The following LRP1B variants were observed in gnomAD, a reference collection of about 807,000 sequenced individuals.
LRP1B encodes the protein low-density lipoprotein receptor-related protein 1B.
In LRP1B, 217 loss-of-function variants were observed where a neutral mutation model predicts 556.6. The observed-to-expected ratio is 0.39, with a 90% CI of 0.35 to 0.44. The LOEUF is 0.44. Ranked by LOEUF, LRP1B falls within the 20% of genes least tolerant of loss-of-function variation. LRP1B has a pLI of 1.00. For synonymous variants in LRP1B, 2,047 were observed against 1,865.8 expected, an observed-to-expected ratio of 1.10 and a Z score of -2.50; for missense variants, 5,053 against 5,620.8, an observed-to-expected ratio of 0.90 and a Z score of 3.23.
At chr2:141,608,791 A>T (rs554645704) in intron 2 of LRP1B, among the ~76,000 whole-genome samples, 3 of 152,338 alleles carry the variant, frequency 2.0e-5, no homozygotes, top group Admixed American at 2.0e-4. Flanking sequence ...TAGTCAGTTG[A>T]TTCTCACAAA....
intron 1 of LRP1B, among the ~76,000 whole-genome samples, chr2:142,125,068 C>A (rs2105018426): frequency 6.6e-6 from 1 of 151,770 alleles, no homozygotes; most frequent in South Asian, 2.1e-4. Flanking sequence ...GAGACTGACT[C>A]TACATTTTAA....
chr2:140,541,348 C>T (rs908739869), intron 44 of LRP1B, among the ~76,000 whole-genome samples: 6 of 152,092 alleles, frequency 3.9e-5, no homozygotes, highest in Non-Finnish European at 5.9e-5. Context: ...CTAGAAACCA[C>T]ATTGATGCTT....
intron 66 of LRP1B, among the ~76,000 whole-genome samples, chr2:140,423,088 G>GA (rs2105268966): frequency 6.6e-6 from 1 of 152,252 alleles, no homozygotes; most frequent in African/African-American, 2.4e-5. Flanking sequence ...TGAGTAGCAT[G>GA]AAAAAAGCTC....
rs1701207577 is a variant in LRP1B, at chr2:141,126,243, A to G, written c.1013+62178T>C. ...GAGACGGGGTTTTGCCATATTGGCC[A>G]GGCTGGTCTCAAACTCCTCACCTCA... On this transcript the variant is annotated intron_variant, in intron 7 of 90. Transcript: ENST00000389484. Among the ~76,000 whole-genome samples the G allele has an allele frequency of 2.0e-5, 3 of 152,156 alleles. No homozygotes were observed. In the South Asian group the frequency reaches 6.2e-4, roughly 32 times the overall value.
At chr2:141,877,806 G>A (rs1053779666) in intron 1 of LRP1B, among the ~76,000 whole-genome samples, 1 of 151,808 alleles carries the variant, frequency 6.6e-6, no homozygotes, top group Non-Finnish European at 1.5e-5. Context: ...AGTTAATTTG[G>A]AACTGTCCAT....
chr2:141,915,249 G>A (rs967616291), intron 1 of LRP1B, among the ~76,000 whole-genome samples: 5 of 152,062 alleles, frequency 3.3e-5, no homozygotes, highest in South Asian at 2.1e-4. Flanking sequence ...AAAGGGGAGA[G>A]GACTCCATAT....
intron 66 of LRP1B, among the ~76,000 whole-genome samples, chr2:140,416,641 C>A (rs533890116): frequency 6.7e-6 from 1 of 149,516 alleles, no homozygotes; most frequent in Non-Finnish European, 1.5e-5. Context: ...GGCAAGACAG[C>A]CAAACTCTGT....
intron 1 of LRP1B, among the ~76,000 whole-genome samples, chr2:141,975,924 C>A (rs1391774447): frequency 6.6e-6 from 1 of 152,084 alleles, no homozygotes; most frequent in African/African-American, 2.4e-5. Flanking sequence ...CATATAAAAT[C>A]ATTCATTGTT....
intron 3 of LRP1B, among the ~76,000 whole-genome samples, chr2:141,311,544 A>G (rs1237052123): frequency 2.0e-5 from 3 of 152,194 alleles, no homozygotes; most frequent in African/African-American, 4.8e-5. Context: ...ATATGCAATT[A>G]GACCTCAATT....
At chr2:141,535,136 A>G (rs1297688301) in intron 2 of LRP1B, among the ~76,000 whole-genome samples, 2 of 151,934 alleles carry the variant, frequency 1.3e-5, no homozygotes, top group Admixed American at 1.3e-4. Flanking sequence ...CTATTTTCTC[A>G]TGCATCACTC....
chr2:141,678,092 A>G (rs1286702874), intron 2 of LRP1B, among the ~76,000 whole-genome samples: 1 of 152,190 alleles, frequency 6.6e-6, no homozygotes. Context: ...ACTTAGGCCC[A>G]TAAAGTTTGA....
chr2:140,868,743 G>A (rs1430749451), intron 25 of LRP1B, among the ~76,000 whole-genome samples: 1 of 152,116 alleles, frequency 6.6e-6, no homozygotes, highest in Non-Finnish European at 1.5e-5. Flanking sequence ...ACAAATAGGT[G>A]ATCTTATGGG....
intron 41 of LRP1B, among the ~76,000 whole-genome samples, chr2:140,687,160 G>C (rs529031503): frequency 3.7e-4 from 57 of 152,192 alleles, no homozygotes; most frequent in African/African-American, 1.2e-3. Flanking sequence ...AGATTTCTGA[G>C]AGAAGAGGAA....
intron 2 of LRP1B, among the ~76,000 whole-genome samples, chr2:141,735,364 C>T (rs183215069): frequency 8.8e-4 from 133 of 151,964 alleles, no homozygotes; most frequent in African/African-American, 3.0e-3. Flanking sequence ...GGGACTTGCC[C>T]GGTCTCATTA....
chr2:140,690,251 T>C (rs1686190767), intron 41 of LRP1B, among the ~76,000 whole-genome samples: 4 of 152,108 alleles, frequency 2.6e-5, no homozygotes, highest in African/African-American at 7.2e-5. Context: ...TATCTTCCCA[T>C]AATTTACAGC....
At chr2:140,571,190 G>T (rs969232260) in intron 43 of LRP1B, among the ~76,000 whole-genome samples, 1 of 151,650 alleles carries the variant, frequency 6.6e-6, no homozygotes, top group Non-Finnish European at 1.5e-5. Context: ...GAAATAAAAG[G>T]CATCAAAATT....
intron 11 of LRP1B, among the ~76,000 whole-genome samples, chr2:141,038,101 T>C (rs1057146039): frequency 6.6e-6 from 1 of 150,432 alleles, no homozygotes; most frequent in Admixed American, 6.7e-5. Flanking sequence ...CAGGGACATA[T>C]AGATATTCAG....
chr2:142,100,668 A>C (rs1706539246), intron 1 of LRP1B, among the ~76,000 whole-genome samples: 1 of 152,026 alleles, frequency 6.6e-6, no homozygotes, highest in Non-Finnish European at 1.5e-5. Flanking sequence ...TGTAAGTGAA[A>C]AATAAAAGAA....
chr2:141,271,601 GA>G (rs888879892), intron 3 of LRP1B, among the ~76,000 whole-genome samples: 1 of 151,568 alleles, frequency 6.6e-6, no homozygotes, highest in East Asian at 1.9e-4. Flanking sequence ...TGCTGAAAGA[GA>G]AAAAAATGCC....
Sources: allele counts gnomAD v4.1 joint callset (sites outside exome capture counted in the v4.1 genomes callset), GRCh38; gene constraint gnomAD v4.1.1; transcripts MANE v1.5; gene names NCBI Gene and HGNC (gene_info 2026-07-23, HGNC 2026-07-21).